CTNNA2: variants seen among roughly 807,000 people sequenced by gnomAD.
CTNNA2 encodes the protein catenin alpha-2.
Under a neutral mutation model 101.0 loss-of-function variants are expected in CTNNA2, and 42 were observed. The ratio of observed to expected loss-of-function variants is 0.42; its 90% CI spans 0.32 to 0.54. The LOEUF (loss-of-function observed/expected upper bound fraction) is 0.54, where lower values mean the gene tolerates loss of function less well. Among genes scored for constraint, CTNNA2 ranks in the 20% least tolerant of loss-of-function variants. The pLI is 0.14. For synonymous variants in CTNNA2, 450 were observed against 456.4 expected (o/e 0.99, Z 0.18); for missense variants, 871 against 1,223.1 (o/e 0.71, Z 4.29).
intron 9 of CTNNA2, among the ~76,000 whole-genome samples, chr2:80,516,800 G>A (rs924044803): frequency 6.6e-6 from 1 of 152,194 alleles, no homozygotes; most frequent in Admixed American, 6.5e-5. Context: ...CAAATTAAGT[G>A]CCAGATTCCA....
chr2:79,608,827 T>G (rs914799023), intron 1 of CTNNA2, among the ~76,000 whole-genome samples: 3 of 152,068 alleles, frequency 2.0e-5, no homozygotes, highest in Admixed American at 2.0e-4. Context: ...GAGTCTTATA[T>G]TTTCCTTTGG....
intron 7 of CTNNA2, among the ~76,000 whole-genome samples, chr2:79,952,616 A>G (rs924027110): frequency 1.1e-4 from 17 of 152,226 alleles, no homozygotes; most frequent in Admixed American, 6.5e-5. Flanking sequence ...AAAAGATATA[A>G]AACAATAATA....
At chr2:80,333,139 C>G (rs992952854) in intron 7 of CTNNA2, among the ~76,000 whole-genome samples, 1 of 152,158 alleles carries the variant, frequency 6.6e-6, no homozygotes, top group Admixed American at 6.5e-5. Flanking sequence ...CAGCCCTTTA[C>G]AGGAAAAGTT....
intron 12 of CTNNA2, among the ~76,000 whole-genome samples, chr2:80,559,891 T>TAC (rs1553387589): frequency 1.4e-5 from 2 of 146,888 alleles, no homozygotes; most frequent in African/African-American, 2.6e-5. Context: ...TATATATATA[T>TAC]ACACACACAT....
chr2:80,399,091 T>C (rs1041751931), intron 8 of CTNNA2, among the ~76,000 whole-genome samples: 6 of 150,732 alleles, frequency 4.0e-5, no homozygotes, highest in Non-Finnish European at 8.9e-5. Flanking sequence ...TTTTTTTTTT[T>C]AGCAGAGACA....
intron 12 of CTNNA2, among the ~76,000 whole-genome samples, chr2:80,556,382 G>T (rs992591502): frequency 6.6e-6 from 1 of 152,190 alleles, no homozygotes; most frequent in African/African-American, 2.4e-5. Flanking sequence ...AAGCATAAAG[G>T]TTTTAGATAG....
intron 7 of CTNNA2, among the ~76,000 whole-genome samples, chr2:80,199,752 G>A (rs1224920611): frequency 6.6e-6 from 1 of 152,146 alleles, no homozygotes; most frequent in Non-Finnish European, 1.5e-5. Context: ...ACAAAGTGCT[G>A]GTCAGGATAG....
At chr2:79,439,712 A>G (rs534867916) in intron 4 of CTNNA2, among the ~76,000 whole-genome samples, 3 of 152,174 alleles carry the variant, frequency 2.0e-5, no homozygotes, top group African/African-American at 7.2e-5. Context: ...CTAGAACAAG[A>G]GTTCTTCCAG....
intron 4 of CTNNA2, among the ~76,000 whole-genome samples, chr2:79,449,355 G>A (rs560010863): frequency 3.3e-5 from 5 of 152,094 alleles, no homozygotes; most frequent in East Asian, 1.9e-4. Context: ...GAGCTTGAAA[G>A]GAATGGGTCT....
At chr2:79,985,969 A>T (rs1331945279) in intron 7 of CTNNA2, among the ~76,000 whole-genome samples, 1 of 152,126 alleles carries the variant, frequency 6.6e-6, no homozygotes, top group Non-Finnish European at 1.5e-5. Flanking sequence ...AGGAATAGAC[A>T]TTTGCTTTCC....
intron 2 of CTNNA2, among the ~76,000 whole-genome samples, chr2:79,737,731 G>A (rs1194993378): frequency 2.0e-5 from 3 of 152,144 alleles, no homozygotes; most frequent in Non-Finnish European, 2.9e-5. Context: ...GTATCAGTGT[G>A]CTAAAGTTTT....
chr2:80,353,989 T>C (rs1559036993), intron 7 of CTNNA2, among the ~76,000 whole-genome samples: 2 of 152,086 alleles, frequency 1.3e-5, no homozygotes, highest in African/African-American at 4.8e-5. Context: ...GGTATGTTAA[T>C]ACAGCCAAAG....
chr2:79,923,318 G>C (rs1287701942), intron 7 of CTNNA2, among the ~76,000 whole-genome samples: 4 of 152,102 alleles, frequency 2.6e-5, no homozygotes, highest in Non-Finnish European at 1.5e-5. Flanking sequence ...TAGGGGTTCA[G>C]TGCAGTGGCT....
chr2:80,442,883 C>T (rs1477035384), intron 9 of CTNNA2, among the ~76,000 whole-genome samples: 1 of 152,196 alleles, frequency 6.6e-6, no homozygotes, highest in Non-Finnish European at 1.5e-5. Context: ...GAGCAGAAAA[C>T]AAAGGGACCT....
chr2:79,202,702 G>A (rs570142468), intron 2 of CTNNA2, among the ~76,000 whole-genome samples: 1 of 151,698 alleles, frequency 6.6e-6, no homozygotes, highest in East Asian at 2.0e-4. Flanking sequence ...CATACATTTT[G>A]GGGGTGGAAG....
At chr2:80,217,778 C>T (rs1317387133) in intron 7 of CTNNA2, among the ~76,000 whole-genome samples, 2 of 152,164 alleles carry the variant, frequency 1.3e-5, no homozygotes, top group Non-Finnish European at 2.9e-5. Context: ...AATAGCAGAG[C>T]CACTGTGGTT....
At chr2:79,696,476 T>C (rs1181975964) in intron 2 of CTNNA2, among the ~76,000 whole-genome samples, 1 of 151,944 alleles carries the variant, frequency 6.6e-6, no homozygotes, top group Non-Finnish European at 1.5e-5. Flanking sequence ...AGCAGGAAAA[T>C]GTTTACGGTT....
At chr2:80,260,119 G>A (rs1278283890) in intron 7 of CTNNA2, among the ~76,000 whole-genome samples, 2 of 152,122 alleles carry the variant, frequency 1.3e-5, no homozygotes, top group African/African-American at 4.8e-5. Context: ...ACTTCCAAAA[G>A]TTAAAAATTT....
chr2:79,853,746 G>T (rs143520096), intron 3 of CTNNA2, among the ~76,000 whole-genome samples: 1 of 149,288 alleles, frequency 6.7e-6, no homozygotes, highest in Non-Finnish European at 1.5e-5. Flanking sequence ...TTGGCTCACC[G>T]CAACATTCAC....
Sources: allele counts gnomAD v4.1 joint callset (sites outside exome capture counted in the v4.1 genomes callset), GRCh38; gene constraint gnomAD v4.1.1; transcripts MANE v1.5; gene names NCBI Gene and HGNC (gene_info 2026-07-23, HGNC 2026-07-21).